The following ICE2 variants were observed in gnomAD, a reference collection of about 807,000 sequenced individuals.
ICE2 encodes interactor of little elongation complex ELL subunit 2, also known as little elongation complex subunit 2.
ICE2 carries 87 observed loss-of-function variants against 105.4 expected under a neutral mutation model. The observed-to-expected ratio is 0.83, with a 90% CI of 0.69 to 0.99. The LOEUF (loss-of-function observed/expected upper bound fraction) is 0.99, where lower values mean the gene tolerates loss of function less well. ICE2 is among the 50% of genes least tolerant of loss of function. The pLI is 0.00. For synonymous variants in ICE2, 399 were observed against 392.0 expected, an observed-to-expected ratio of 1.02 and a Z score of -0.21; for missense variants, 1,323 against 1,146.7, an observed-to-expected ratio of 1.15 and a Z score of -2.22.
chr15:60,449,903 A>G, intron 9 of ICE2, 62 bp from the exon 10 acceptor site: 1 of 1,180,948 alleles, frequency 8.5e-7, no homozygotes, highest in African/African-American at 1.5e-5. Flanking sequence ...CTATCTCTTA[A>G]TGTCCCTATC....
At position 60,449,446 on chromosome 15, in the gene ICE2, G is replaced by C. The variant is rs145781504; in HGVS notation, c.1521C>G (p.Asp507Glu). ...NSDKPLIQDS[D>E]LKTSDALQLE... ...ACTGTAAGGCATCAGATGTTTTCAA[G>C]TCACTATCTTGTATCAAAGGCTTGT... The change falls in exon 10 of 16, where the codon GAC becomes GAG. Residue 507 changes from aspartate (D) to glutamate (E), a missense_variant. Physicochemically the swap from Asp to Glu is conservative, Grantham distance 45. Coordinates refer to ENST00000261520, the MANE Select transcript of ICE2 (RefSeq NM_024611.6). The C allele has an allele frequency of 3.7e-6, 6 of 1,614,002 alleles. No homozygotes were observed. Among genetic ancestry groups the C allele is most frequent in the Non-Finnish European group, 5.1e-6 (6 of 1,180,012 alleles).
chr15:60,472,717 C>G (rs2064638543), intron 3 of ICE2, among the ~76,000 whole-genome samples: 1 of 152,124 alleles, frequency 6.6e-6, no homozygotes, highest in Non-Finnish European at 1.5e-5. Context: ...ACTTGGCACA[C>G]TGGCGTGCAC....
Position 60,449,296 on chromosome 15 carries a change from T to C in ICE2, c.1671A>G (p.Gly557=), listed in dbSNP as rs1294681070. The change falls in exon 10 of 16, where the codon GGA becomes GGG. Residue 557 remains glycine (G), a synonymous_variant. Coordinates refer to ENST00000261520, the MANE Select transcript of ICE2 (RefSeq NM_024611.6). ...TATCTTCAGTTTTTGCTGCTTCTGA[T>C]CCAACAGTCTTTTCCTTTGAGTTGT... The part of the protein sequence containing the change: ...NLDNSKEKTV[G]SEAAKTEDTV... 6.2e-7 allele frequency: 1 copy of C among 1,613,198 alleles called. No individual in the cohort carries two copies.
At chr15:60,477,134 T>C (rs1297014624) in intron 2 of ICE2, among the ~76,000 whole-genome samples, 3 of 152,254 alleles carry the variant, frequency 2.0e-5, no homozygotes, top group Non-Finnish European at 2.9e-5. Flanking sequence ...AAGGTATTAA[T>C]GGTAAAATTA....
chr15:60,437,486 C>G (rs1372252991), intron 12 of ICE2, among the ~76,000 whole-genome samples: 4 of 151,328 alleles, frequency 2.6e-5, no homozygotes, highest in Non-Finnish European at 5.9e-5. Flanking sequence ...TGCCCACCAC[C>G]AGGCCTGGCT....
At chr15:60,442,308 T>A in intron 12 of ICE2, 108 bp downstream of exon 12, 1 of 1,050,408 alleles carries the variant, frequency 9.5e-7, no homozygotes, top group Non-Finnish European at 1.4e-6. Context: ...AATACATAAA[T>A]AAAAACGAAA....
rs1341820198 is a variant in ICE2, at chr15:60,422,531, A to G, written c.*1103T>C. Reference sequence around the variant, plus strand: ...GGAAAATTTAAATCAATCAGTATAGATGAGGATAAAAATAGCTTATGCTGG... The same window carrying G: ...GGAAAATTTAAATCAATCAGTATAGGTGAGGATAAAAATAGCTTATGCTGG... On this transcript the variant is annotated 3_prime_UTR_variant, in exon 16 of 16. Transcript: ENST00000261520. 6.6e-6 allele frequency: 1 copy of G among 152,132 alleles called. No individual in the cohort carries two copies. The highest frequency in any genetic ancestry group is 1.5e-5 in the Non-Finnish European group (1 of 68,058). 9.4% of individuals were successfully genotyped at this position (152,132 alleles called of 1,614,324 possible). A position where few individuals can be genotyped will look rare whatever the true frequency, so the allele number is the denominator to read the frequency against.
At position 60,455,370 on chromosome 15, in the gene ICE2, C is replaced by T. The variant is rs1281621220; in HGVS notation, c.739G>A (p.Ala247Thr). The stretch of plus-strand genomic sequence containing the variant: ...GTTTGTTCTGACGTTTCAATGGTAG[C>T]TATATCGTCCTTTGACAGCTGCAAC... ...IKLQLSKDDI[A>T]TIETSEQTAE... The change falls in exon 7 of 16, where the codon GCT becomes ACT. Residue 247 changes from alanine to threonine, a missense_variant. Physicochemically the swap from Ala to Thr is moderately conservative, Grantham distance 58 (BLOSUM62 0). Transcript: ENST00000261520. 3.1e-6 allele frequency: 5 copies of T among 1,613,898 alleles called. No homozygotes were observed. The highest frequency in any genetic ancestry group is 4.2e-6 in the Non-Finnish European group (5 of 1,179,936).
rs767917112 is a variant in ICE2, at chr15:60,466,561, C to T, written c.528+33G>A. The T allele has an allele frequency of 5.5e-5, 89 of 1,605,514 alleles. 1 individual carries two copies. In the South Asian group the frequency reaches 5.8e-4, roughly 10 times the overall value. On this transcript the variant is annotated intron_variant, in intron 5 of 15. Transcript: ENST00000261520. ...AGAATGCTGCTATTGCCTATCACTT[C>T]GCAATTTACACAAATGTGAGTTGTT...
chr15:60,421,366 A>C lies in ICE2; in HGVS notation c.*2268T>G, dbSNP rs1179286956. On this transcript the variant is annotated 3_prime_UTR_variant, in exon 16 of 16. Transcript: ENST00000261520. ...AAGTAGCTGGGATTACATCCTGCTA[A>C]ACATATTGTCAGTTACTTCTTGGCT... is the stretch of plus-strand genomic sequence containing the variant. 1 of 152,130 alleles carries C rather than the reference A, an allele frequency of 6.6e-6. No homozygotes were observed. The highest frequency in any genetic ancestry group is 6.6e-5 in the Admixed American group (1 of 15,266). 9.4% of individuals were successfully genotyped at this position (152,130 alleles called of 1,614,324 possible).
intron 6 of ICE2, 73 bp downstream of exon 6, chr15:60,456,584 T>TATAC (rs371455409): frequency 9.8e-4 from 194 of 197,690 alleles, no homozygotes; most frequent in African/African-American, 6.9e-3. Context: ...TATATATATA[T>TATAC]ACACACACAC....
At chr15:60,473,917 C>A (rs181128946) in intron 3 of ICE2, among the ~76,000 whole-genome samples, 2 of 151,836 alleles carry the variant, frequency 1.3e-5, no homozygotes, top group South Asian at 2.1e-4. Flanking sequence ...AAAATTGTCT[C>A]TTTTTTTTGT....
intron 1 of ICE2, chr15:60,478,609 T>C (rs997191199): frequency 3.5e-5 from 11 of 314,110 alleles, no homozygotes; most frequent in African/African-American, 2.5e-4. Flanking sequence ...TCTCTCATGT[T>C]CAGTACTTCT....
At position 60,421,508 on chromosome 15, in the gene ICE2, C is replaced by T. The variant is rs970078703; in HGVS notation, c.*2126G>A. 6.6e-6 allele frequency: 1 copy of T among 152,088 alleles called. No homozygotes were observed. Among genetic ancestry groups the T allele is most frequent in the African/African-American group, 2.4e-5 (1 of 41,402 alleles). The allele number at this position is 152,088 out of a possible 1,614,324, so 9.4% of individuals were successfully genotyped here. On this transcript the variant is annotated 3_prime_UTR_variant, in exon 16 of 16. Coordinates refer to ENST00000261520, the MANE Select transcript of ICE2 (RefSeq NM_024611.6). ...AACTACCTTTATATATGATGTTATT[C>T]AAATACATGGATAAGATAACACATT...
chr15:60,442,575 C>T, intron 11 of ICE2, 30 bp from the exon 12 acceptor site: 1 of 1,536,534 alleles, frequency 6.5e-7, no homozygotes, highest in South Asian at 1.2e-5. Context: ...TTTTTCAAAG[C>T]TCTATTAATT....
At chr15:60,431,447 C>T (rs1462213802) in intron 14 of ICE2, among the ~76,000 whole-genome samples, 4 of 152,184 alleles carry the variant, frequency 2.6e-5, no homozygotes, top group East Asian at 1.9e-4. Context: ...CAATGTGATG[C>T]GACGCAGAGA....
chr15:60,478,569 G>C lies in ICE2; in HGVS notation c.-93+434C>G, dbSNP rs567560491. ...GTGACATTTCACAAGATCACTTACA[G>C]ACATCATCAGGACTACAAATCAGGC... On this transcript the variant is annotated intron_variant, in intron 1 of 15. Coordinates refer to ENST00000261520, the MANE Select transcript of ICE2 (RefSeq NM_024611.6). 1.9e-4 allele frequency: 48 copies of C among 250,126 alleles called. 1 individual carries two copies. The highest frequency in any genetic ancestry group is 1.3e-3 in the Admixed American group (24 of 18,570). The allele number at this position is 250,126 out of a possible 1,614,324, so 15.5% of individuals were successfully genotyped here. A position where few individuals can be genotyped will look rare whatever the true frequency, so the allele number is the denominator to read the frequency against.
intron 11 of ICE2, among the ~76,000 whole-genome samples, chr15:60,446,737 C>T (rs2141052316): frequency 6.6e-6 from 1 of 152,240 alleles, no homozygotes; most frequent in Admixed American, 6.5e-5. Flanking sequence ...AAGTCCTCCA[C>T]AATGATCAAT....
chr15:60,439,222 A>T (rs958548142), intron 12 of ICE2: 3 of 152,156 alleles, frequency 2.0e-5, no homozygotes, highest in Non-Finnish European at 2.9e-5. Context: ...ATCAATCATA[A>T]ATGTATAGGA....
Sources: gnomAD v4.1 joint callset for allele counts (sites outside exome capture counted in the v4.1 genomes callset) on GRCh38, gnomAD v4.1.1 for gene constraint, MANE v1.5 for transcripts, NCBI Gene and HGNC (gene_info 2026-07-23, HGNC 2026-07-21) for gene names.